CARD14: variants seen among roughly 807,000 people sequenced by gnomAD.
CARD14 encodes caspase recruitment domain family member 14.
CARD14 carries 107 observed loss-of-function variants against 111.5 expected under a neutral mutation model. The observed-to-expected ratio is 0.96, with a 90% CI of 0.82 to 1.13. CARD14 has a LOEUF of 1.13. Among genes scored for constraint, CARD14 ranks in the 50% most tolerant of loss-of-function variants. CARD14 has a pLI of 0.00. For missense variants in CARD14, 1,322 were observed against 1,362.3 expected (o/e 0.97, Z 0.47); for synonymous variants, 617 against 579.6 (o/e 1.06, Z -0.93).
In CARD14 at chr17:80,205,112, C is replaced by T. The variant is rs139467141; in HGVS notation, c.2476C>T (p.Arg826Trp). The T allele has an allele frequency of 2.5e-4, 409 of 1,613,536 alleles. 2 individuals are homozygous for T. In the Middle Eastern group the frequency reaches 2.8e-3, roughly 11 times the overall value. The change falls in exon 21 of 24, where the codon CGG (arginine) becomes TGG (tryptophan). Residue 826 changes from arginine to tryptophan, a missense_variant. Arg to Trp is a moderately radical substitution (Grantham distance 101). Transcript: ENST00000648509. ...CCTGGTGCGGCCCCATCGACCCGCC[C>T]GGCCCCGGCCTGTGCTCCTCGTGCC... The part of the protein sequence containing the change: ...YTLVRPHRPA[R>W]PRPVLLVPRA...
In CARD14 at chr17:80,195,493, G is replaced by A; in HGVS notation, c.1500-65G>A. 6.5e-7 allele frequency: 1 copy of A among 1,533,032 alleles called. No homozygotes were observed. The highest frequency in any genetic ancestry group is 1.9e-5 in the Admixed American group (1 of 52,768). 95.0% of individuals were successfully genotyped at this position (1,533,032 alleles called of 1,614,324 possible). On this transcript the variant is annotated intron_variant, in intron 13 of 23. Transcript: ENST00000648509. This position sits in a 1 kb window ranked among gnomAD's most constrained non-coding sequence, Gnocchi z 4.7. ...TGGCAGGTGCTGGGGGCCAGTGCTT[G>A]GGGCGTGGGGACTCAGAGGGAGCAG...
intron 16 of CARD14, among the ~76,000 whole-genome samples, chr17:80,199,148 TTTG>T (rs376069361): frequency 3.3e-5 from 5 of 152,232 alleles, no homozygotes; most frequent in African/African-American, 9.6e-5. Flanking sequence ...AAAACTTTTT[TTTG>T]TTGTTGTTAC....
intron 12 of CARD14, among the ~76,000 whole-genome samples, chr17:80,193,180 G>T (rs957354180): frequency 1.3e-5 from 2 of 152,194 alleles, no homozygotes; most frequent in African/African-American, 2.4e-5. Context: ...TTCACAGCTT[G>T]CAGGGTGGAC....
intron 9 of CARD14, 131 bp from the exon 10 acceptor site, chr17:80,190,643 G>T: frequency 1.2e-6 from 1 of 831,922 alleles, no homozygotes. Context: ...AGAGAGAGAC[G>T]AGTGAGAATT....
rs2040421263 is a variant in CARD14 at position 80,188,618 on chromosome 17, A to C, written c.843+74A>C. On this transcript the variant is annotated intron_variant, in intron 8 of 23. Transcript: ENST00000648509. This position sits in a 1 kb window ranked among gnomAD's most constrained non-coding sequence, Gnocchi z 4.5. ...TGGCCCTCAGGCTGTGGGGTTTCTGACAGGTGGTTTAGTTAAGGTGAGGCT... is the reference window on the plus strand; with the variant it reads ...TGGCCCTCAGGCTGTGGGGTTTCTGCCAGGTGGTTTAGTTAAGGTGAGGCT... The C allele has an allele frequency of 1.5e-6, 2 of 1,351,656 alleles. No individual in the cohort carries two copies. The highest frequency in any genetic ancestry group is 4.2e-5 in the South Asian group (2 of 47,932). The allele number at this position is 1,351,656 out of a possible 1,614,324, so 83.7% of individuals were successfully genotyped here. A position where few individuals can be genotyped will look rare whatever the true frequency, so the allele number is the denominator to read the frequency against.
At chr17:80,171,205 C>CCCTTCCTTCCTT (rs59738447) in intron 1 of CARD14, among the ~76,000 whole-genome samples, 48 of 41,158 alleles carry the variant, frequency 1.2e-3, no homozygotes, top group East Asian at 2.2e-3. Flanking sequence ...CTCCCTCCCT[C>CCCTTCCTTCCTT]CCTTCCTTCC....
intron 16 of CARD14, among the ~76,000 whole-genome samples, chr17:80,199,307 G>A (rs966923669): frequency 6.6e-6 from 1 of 151,938 alleles, no homozygotes; most frequent in Non-Finnish European, 1.5e-5. Context: ...GGCCAACACG[G>A]CGAAACCCCG....
In CARD14 at chr17:80,181,616, A is replaced by G; in HGVS notation, c.178A>G (p.Ser60Gly). 1 of 1,554,358 alleles carries G rather than the reference A, an allele frequency of 6.4e-7. No homozygotes were observed. The change falls in exon 5 of 24, where the codon AGC becomes GGC. Residue 60 changes from serine to glycine, a missense_variant. Coordinates refer to ENST00000648509, the MANE Select transcript of CARD14 (RefSeq NM_001366385.1). ...CQLDEEEVLH[S>G]PRLTNSAMRA... ...GCTGGACGAGGAGGAGGTGCTGCAC[A>G]GCCCCCGGCTCACCAACAGCGCCAT...
chr17:80,205,274 C>T, intron 21 of CARD14, 69 bp downstream of exon 21: 3 of 1,268,600 alleles, frequency 2.4e-6, no homozygotes, highest in East Asian at 2.4e-5. Context: ...CTTCCTCCCT[C>T]CTTCCTCCCC....
At chr17:80,207,387 T>C (rs1387878519) in intron 23 of CARD14, among the ~76,000 whole-genome samples, 6 of 152,094 alleles carry the variant, frequency 3.9e-5, no homozygotes, top group African/African-American at 1.4e-4. Context: ...CCTGTCTCTA[T>C]TAAAAATACA....
Position 80,201,555 on chromosome 17 carries a change from C to A in CARD14, c.1852-189C>A. The A allele has an allele frequency of 1.6e-6, 1 of 639,098 alleles. No homozygotes were observed. 39.6% of individuals were successfully genotyped at this position (639,098 alleles called of 1,614,324 possible). A position where few individuals can be genotyped will look rare whatever the true frequency, so the allele number is the denominator to read the frequency against. On this transcript the variant is annotated intron_variant, in intron 16 of 23. Transcript: ENST00000648509. The surrounding 1 kb of genome is among the most constrained non-coding windows in gnomAD (Gnocchi z 5.0). The stretch of plus-strand genomic sequence containing the variant: ...TCTCTGGCCAGCACTATGTGTAGCA[C>A]GCATCACTAGAGGTGTGAAGGCCCC...
intron 5 of CARD14, among the ~76,000 whole-genome samples, chr17:80,181,999 C>T (rs1268624782): frequency 1.3e-5 from 2 of 152,142 alleles, no homozygotes; most frequent in South Asian, 2.1e-4. Context: ...TTACTGTATA[C>T]GGTTGTTAGG....
At chr17:80,190,617 A>AG (rs2040493367) in intron 9 of CARD14, among the ~76,000 whole-genome samples, 157 bp from the exon 10 acceptor site, 1 of 151,396 alleles carries the variant, frequency 6.6e-6, no homozygotes, top group Non-Finnish European at 1.5e-5. Flanking sequence ...TGTCTCAAAA[A>AG]AAAAAAAAAA....
Position 80,192,636 on chromosome 17 carries a change from C to A in CARD14, c.1356+17C>A. The A allele has an allele frequency of 6.3e-7, 1 of 1,585,622 alleles. No individual in the cohort carries two copies. The highest frequency in any genetic ancestry group is 8.6e-7 in the Non-Finnish European group (1 of 1,156,416). ...TCCACAGAGGTACGGCCGCTCCTCC[C>A]GCCTCCCTCACTGCCTTGACCCTCT... On this transcript the variant is annotated intron_variant, in intron 12 of 23. Coordinates refer to ENST00000648509, the MANE Select transcript of CARD14 (RefSeq NM_001366385.1).
chr17:80,179,652 C>T (rs1037122343), intron 4 of CARD14, among the ~76,000 whole-genome samples: 18 of 152,140 alleles, frequency 1.2e-4, no homozygotes, highest in African/African-American at 4.3e-4. Flanking sequence ...GAGCAACATA[C>T]GGAGATTCCA....
rs1006401627 is a variant in CARD14, at chr17:80,203,689, G to A, written c.2220-133G>A. The A allele has an allele frequency of 1.6e-6, 1 of 634,122 alleles. No individual in the cohort carries two copies. Among genetic ancestry groups the A allele is most frequent in the African/African-American group, 1.9e-5 (1 of 53,402 alleles). 39.3% of individuals were successfully genotyped at this position (634,122 alleles called of 1,614,324 possible). On this transcript the variant is annotated intron_variant, in intron 18 of 23. Transcript: ENST00000648509. This position sits in a 1 kb window ranked among gnomAD's most constrained non-coding sequence, Gnocchi z 4.6. ...GGAGCGCTCCAGCCTGCAGCAAAGGGATGTGTGGAGCTCTAGGTGGAGGCC... is the reference window on the plus strand; with the variant it reads ...GGAGCGCTCCAGCCTGCAGCAAAGGAATGTGTGGAGCTCTAGGTGGAGGCC...
intron 12 of CARD14, among the ~76,000 whole-genome samples, chr17:80,193,415 C>CAGATAGTCCCCAG (rs1567884700): frequency 4.8e-4 from 72 of 150,948 alleles, no homozygotes; most frequent in African/African-American, 8.5e-4. Context: ...CAACCTGGCA[C>CAGATAGTCCCCAG]ACATGGTCCC....
At position 80,198,146 on chromosome 17, in the gene CARD14, C is replaced by G; in HGVS notation, c.1642C>G (p.Leu548Val). ...CCTGCAGCCAGTCTCCCCTGGAAGG[C>G]TTGATGTCTCGGAGAGGTAAGCAGC... is the stretch of plus-strand genomic sequence containing the variant. Reference protein sequence around the residue: ...SSLQPVSPGRLDVSESGVLMR... With the variant: ...SSLQPVSPGRVDVSESGVLMR... The change falls in exon 15 of 24, where the codon CTT becomes GTT. Residue 548 changes from leucine to valine, a missense_variant. Transcript: ENST00000648509. This position sits in a 1 kb window ranked among gnomAD's most constrained non-coding sequence, Gnocchi z 7.5. 1 of 1,613,904 alleles carries G rather than the reference C, an allele frequency of 6.2e-7. No homozygotes were observed. Among genetic ancestry groups the G allele is most frequent in the Non-Finnish European group, 8.5e-7 (1 of 1,180,014 alleles).
Position 80,183,910 on chromosome 17 carries a change from C to T in CARD14, c.350-3C>T, listed in dbSNP as rs1211651561. 2.0e-6 allele frequency: 3 copies of T among 1,483,778 alleles called. No homozygotes were observed. The highest frequency in any genetic ancestry group is 1.8e-6 in the Non-Finnish European group (2 of 1,116,330). The allele number at this position is 1,483,778 out of a possible 1,614,324, so 91.9% of individuals were successfully genotyped here. A position where few individuals can be genotyped will look rare whatever the true frequency, so the allele number is the denominator to read the frequency against. On this transcript the variant is annotated splice_region_variant and splice_polypyrimidine_tract_variant and intron_variant, in intron 6 of 23. Transcript: ENST00000648509. ...ACTTGCTCACCTGCCCATCTGCCCA[C>T]AGGTCTCATGGAGACATCCAAGCTG...
Sources: gnomAD v4.1 joint callset for allele counts (sites outside exome capture counted in the v4.1 genomes callset) on GRCh38, gnomAD v4.1.1 for gene constraint, Gnocchi (gnomAD v3.1) non-coding constraint, MANE v1.5 for transcripts, NCBI Gene and HGNC (gene_info 2026-07-23, HGNC 2026-07-21) for gene names.